CHD7: variants seen among roughly 807,000 people sequenced by gnomAD.
The protein encoded by CHD7 is ATP-dependent chromatin remodeler CHD7.
A neutral mutation model predicts 307.3 loss-of-function variants in CHD7; 24 were observed. That is an observed-to-expected ratio of 0.08 (90% confidence interval 0.06 to 0.11). CHD7 has a LOEUF of 0.11. CHD7 is among the 10% of genes least tolerant of loss of function. CHD7 has a pLI of 1.00. For synonymous variants in CHD7, 1,363 were observed against 1,349.9 expected, an observed-to-expected ratio of 1.01 and a Z score of -0.21; for missense variants, 3,106 against 3,727.1, an observed-to-expected ratio of 0.83 and a Z score of 4.34.
At chr8:60,774,190 A>G (rs1378595828) in intron 2 of CHD7, among the ~76,000 whole-genome samples, 1 of 152,132 alleles carries the variant, frequency 6.6e-6, no homozygotes, top group African/African-American at 2.4e-5. Flanking sequence ...AAGTATGTGG[A>G]TTTTGTAGCA....
At chr8:60,711,894 T>C (rs1807297507) in intron 1 of CHD7, among the ~76,000 whole-genome samples, 1 of 152,212 alleles carries the variant, frequency 6.6e-6, no homozygotes, top group African/African-American at 2.4e-5. Context: ...CTTAACAGAT[T>C]GCATGTGCAC....
intron 1 of CHD7, among the ~76,000 whole-genome samples, chr8:60,705,127 G>A (rs1469335047): frequency 3.3e-5 from 5 of 152,210 alleles, no homozygotes; most frequent in African/African-American, 1.2e-4. Flanking sequence ...GTAGTTGATG[G>A]TATAAGAGTC....
In CHD7 at chr8:60,841,638, C is replaced by T. The variant is rs772711840; in HGVS notation, c.4534-6C>T. 4 of 1,604,364 alleles carry T rather than the reference C, an allele frequency of 2.5e-6. No individual in the cohort carries two copies. The African/African-American group carries it at 4.0e-5, about 16-fold the overall frequency. On this transcript the variant is annotated splice_polypyrimidine_tract_variant and splice_region_variant and intron_variant, in intron 19 of 37. Coordinates refer to ENST00000423902, the MANE Select transcript of CHD7 (RefSeq NM_017780.4). ...TCAAAGTAATGCGTTTCTTTTTTCT[C>T]TTTAGGCCAGTTTTGTTGCATCTGG...
intron 6 of CHD7, among the ~76,000 whole-genome samples, chr8:60,806,763 G>A (rs1041510062): frequency 2.0e-5 from 3 of 152,184 alleles, no homozygotes; most frequent in African/African-American, 7.2e-5. Flanking sequence ...ATCACTTTGG[G>A]AGGCTGAGAC....
Position 60,816,516 on chromosome 8 carries a change from CTTACTTTTCCAAAGTAT to C in CHD7, c.2613+23_2613+39del, listed in dbSNP as rs750395513. The stretch of plus-strand genomic sequence containing the variant: ...TCCTTTCAGAGGTACGACATACCTG[CTTACTTTTCCAAAGTAT>C]TTACTTTGTTAAAATGTTCTAAATT... On this transcript the variant is annotated intron_variant, in intron 8 of 37. Coordinates refer to ENST00000423902, the MANE Select transcript of CHD7 (RefSeq NM_017780.4). The C allele has an allele frequency of 7.3e-7, 1 of 1,376,108 alleles. No individual in the cohort carries two copies. The allele number at this position is 1,376,108 out of a possible 1,614,324, so 85.2% of individuals were successfully genotyped here.
At chr8:60,737,873 A>T (rs946025399) in intron 1 of CHD7, among the ~76,000 whole-genome samples, 1 of 152,226 alleles carries the variant, frequency 6.6e-6, no homozygotes, top group African/African-American at 2.4e-5. Flanking sequence ...ACAGATATAT[A>T]AGCTCCATGA....
intron 1 of CHD7, among the ~76,000 whole-genome samples, chr8:60,686,743 T>A (rs1350691117): frequency 1.3e-5 from 2 of 151,674 alleles, no homozygotes; most frequent in Non-Finnish European, 2.9e-5. Context: ...TCACCTCCTT[T>A]CCCTAGTATC....
chr8:60,798,160 C>G (rs1342379459), intron 4 of CHD7, among the ~76,000 whole-genome samples: 1 of 152,196 alleles, frequency 6.6e-6, no homozygotes, highest in Non-Finnish European at 1.5e-5. Context: ...AAATTGCCAC[C>G]TGGGATGTGG....
At chr8:60,699,344 A>G (rs932458831) in intron 1 of CHD7, among the ~76,000 whole-genome samples, 19 of 152,252 alleles carry the variant, frequency 1.2e-4, no homozygotes, top group African/African-American at 4.6e-4. Flanking sequence ...TTTGTTCCAT[A>G]GATTTATTTG....
intron 9 of CHD7, among the ~76,000 whole-genome samples, chr8:60,821,187 A>G (rs769267607): frequency 9.2e-5 from 14 of 152,242 alleles, no homozygotes; most frequent in Admixed American, 2.6e-4. Context: ...AAACATTGAA[A>G]TATGCTAAGA....
intron 3 of CHD7, among the ~76,000 whole-genome samples, chr8:60,789,622 A>T (rs1351385312): frequency 6.6e-6 from 1 of 152,222 alleles, no homozygotes; most frequent in African/African-American, 2.4e-5. Flanking sequence ...TTAGGCCGAC[A>T]CTAATCAATG....
At chr8:60,796,179 T>G (rs1002988069) in intron 4 of CHD7, among the ~76,000 whole-genome samples, 2 of 152,188 alleles carry the variant, frequency 1.3e-5, no homozygotes, top group Admixed American at 1.3e-4. Context: ...TGAATGAATA[T>G]GTTTTGGTTT....
At chr8:60,714,218 A>C (rs1340171816) in intron 1 of CHD7, among the ~76,000 whole-genome samples, 1 of 151,976 alleles carries the variant, frequency 6.6e-6, no homozygotes, top group East Asian at 2.0e-4. Context: ...CGCAGGGCGG[A>C]GCGGGGTCAT....
intron 4 of CHD7, among the ~76,000 whole-genome samples, chr8:60,798,916 A>G (rs1370458268): frequency 6.6e-6 from 1 of 152,100 alleles, no homozygotes; most frequent in Non-Finnish European, 1.5e-5. Context: ...GTTAAATAAT[A>G]TAGAATTACT....
At chr8:60,762,734 G>T (rs971497198) in intron 2 of CHD7, among the ~76,000 whole-genome samples, 3 of 152,182 alleles carry the variant, frequency 2.0e-5, no homozygotes, top group African/African-American at 7.2e-5. Context: ...GTTGAGTGAG[G>T]TCAGGGTTCC....
intron 1 of CHD7, among the ~76,000 whole-genome samples, chr8:60,696,747 T>A (rs1376747609): frequency 6.6e-6 from 1 of 152,130 alleles, no homozygotes; most frequent in African/African-American, 2.4e-5. Context: ...TTTCAGTAAT[T>A]TTGTGGTATA....
At position 60,822,760 on chromosome 8, in the gene CHD7, G is replaced by A. The variant is rs773464281; in HGVS notation, c.3201+14G>A. On this transcript the variant is annotated intron_variant, in intron 12 of 37. Transcript: ENST00000423902. ...AAAGATCCCCAGGTAAACCTTCACAGGTTGTATTCTTTGTACTTACTCTGT... is the reference window on the plus strand; with the variant it reads ...AAAGATCCCCAGGTAAACCTTCACAAGTTGTATTCTTTGTACTTACTCTGT... 1.9e-6 allele frequency: 3 copies of A among 1,594,554 alleles called. No individual in the cohort carries two copies. In the South Asian group the frequency reaches 3.4e-5, roughly 18 times the overall value.
At chr8:60,713,497 T>C (rs767724490) in intron 1 of CHD7, among the ~76,000 whole-genome samples, 5 of 152,176 alleles carry the variant, frequency 3.3e-5, no homozygotes, top group Non-Finnish European at 4.4e-5. Context: ...TAGAGGGTGA[T>C]AGGCAATTGT....
intron 11 of CHD7, 40 bp from the exon 12 acceptor site, chr8:60,822,463 C>T (rs976159162): frequency 6.3e-7 from 1 of 1,597,152 alleles, no homozygotes; most frequent in African/African-American, 1.3e-5. Flanking sequence ...GTGTCATATC[C>T]ATACTCATTA....
Sources: allele counts gnomAD v4.1 joint callset (sites outside exome capture counted in the v4.1 genomes callset), GRCh38; gene constraint gnomAD v4.1.1; transcripts MANE v1.5; gene names NCBI Gene and HGNC (gene_info 2026-07-23, HGNC 2026-07-21).